SLC44A5: variants seen among roughly 807,000 people sequenced by gnomAD.
SLC44A5 encodes the protein choline transporter-like protein 5.
Under a neutral mutation model 101.8 loss-of-function variants are expected in SLC44A5, and 57 were observed. That is an observed-to-expected ratio of 0.56 (90% CI 0.45 to 0.70). The LOEUF is 0.70. SLC44A5 is among the 30% of genes least tolerant of loss of function. The probability of loss-of-function intolerance (pLI) is 0.00; values close to 1 mark genes in which losing one functional copy is unlikely to be tolerated. For synonymous variants in SLC44A5, 281 were observed against 290.9 expected (o/e 0.97, Z 0.35); for missense variants, 737 against 853.1 (o/e 0.86, Z 1.70).
chr1:75,406,742 A>G (rs1416408596), intron 2 of SLC44A5, among the ~76,000 whole-genome samples: 4 of 152,208 alleles, frequency 2.6e-5, no homozygotes, highest in Non-Finnish European at 4.4e-5. Flanking sequence ...ACAAACCCAC[A>G]GGCAATATCA....
At chr1:75,675,834 C>T in the SLC44A5 span, among the ~76,000 whole-genome samples, 1 of 152,050 alleles carries the variant, frequency 6.6e-6, no homozygotes, top group African/African-American at 2.4e-5. Context: ...CCAGAATCTA[C>T]AAGGAACTTA....
At chr1:75,270,435 T>C (rs1471605606) in intron 6 of SLC44A5, among the ~76,000 whole-genome samples, 3 of 152,122 alleles carry the variant, frequency 2.0e-5, no homozygotes, top group Non-Finnish European at 4.4e-5. Flanking sequence ...GAAATGGGTA[T>C]ATTATTCAAC....
rs185343360 is a variant in SLC44A5, at chr1:75,545,042, G to A, written c.-69-3526C>T. 2.6e-3 allele frequency among the ~76,000 whole-genome samples: 390 copies of A among 152,052 alleles called. 4 individuals carry two copies. The highest frequency in any genetic ancestry group is 8.6e-3 in the African/African-American group (355 of 41,466). On this transcript the variant is annotated intron_variant, in intron 1 of 23. Coordinates refer to ENST00000370859, the MANE Select transcript of SLC44A5 (RefSeq NM_001130058.2). Reference sequence around the variant, plus strand: ...CCTCCAAAAGGCCCTGGTGTGTGACGTTCCCCTCCCTGTGTCCATGTGTCC... The same window carrying A: ...CCTCCAAAAGGCCCTGGTGTGTGACATTCCCCTCCCTGTGTCCATGTGTCC...
At chr1:75,419,511 GA>G (rs536240388) in intron 2 of SLC44A5, among the ~76,000 whole-genome samples, 1 of 146,308 alleles carries the variant, frequency 6.8e-6, no homozygotes, top group Non-Finnish European at 1.5e-5. Flanking sequence ...TCTGTACCAG[GA>G]AAAAAAAACT....
intron 2 of SLC44A5, among the ~76,000 whole-genome samples, chr1:75,401,981 G>T (rs558325183): frequency 1.3e-5 from 2 of 152,054 alleles, no homozygotes; most frequent in Non-Finnish European, 2.9e-5. Flanking sequence ...CAGAGAAAGG[G>T]CTAAAAAATG....
At chr1:75,596,055 T>C (rs1403715430) in intron 1 of SLC44A5, among the ~76,000 whole-genome samples, 1 of 152,180 alleles carries the variant, frequency 6.6e-6, no homozygotes, top group Non-Finnish European at 1.5e-5. Context: ...TATCAAATCT[T>C]CTAATAACCA....
At chr1:75,558,591 T>C (rs1362952958) in intron 1 of SLC44A5, among the ~76,000 whole-genome samples, 3 of 152,086 alleles carry the variant, frequency 2.0e-5, no homozygotes, top group African/African-American at 7.2e-5. Flanking sequence ...GAAGAAAAAG[T>C]TTGAAGATCA....
intron 2 of SLC44A5, among the ~76,000 whole-genome samples, chr1:75,446,596 T>C (rs1665590908): frequency 2.0e-5 from 3 of 152,118 alleles, no homozygotes; most frequent in Non-Finnish European, 2.9e-5. Flanking sequence ...GAAGGTCCTA[T>C]AAAGGCAGAG....
intron 1 of SLC44A5, among the ~76,000 whole-genome samples, chr1:75,543,987 T>C (rs925927249): frequency 1.3e-5 from 2 of 152,162 alleles, no homozygotes; most frequent in Non-Finnish European, 1.5e-5. Context: ...ACTTTTTATA[T>C]TGAAATAATT....
intron 4 of SLC44A5, among the ~76,000 whole-genome samples, chr1:75,335,085 C>A (rs1157626747): frequency 6.6e-6 from 1 of 152,202 alleles, no homozygotes; most frequent in Non-Finnish European, 1.5e-5. Context: ...GCCTAAGAAT[C>A]AGCTCCAAAT....
At chr1:75,721,405 C>G in the SLC44A5 span, among the ~76,000 whole-genome samples, 1 of 152,080 alleles carries the variant, frequency 6.6e-6, no homozygotes. Context: ...AATTTTCTTG[C>G]GTTTTTGTTT....
At chr1:75,215,520 T>C (rs530529971) in intron 19 of SLC44A5, among the ~76,000 whole-genome samples, 2 of 152,196 alleles carry the variant, frequency 1.3e-5, no homozygotes, top group South Asian at 4.1e-4. Flanking sequence ...TTCCAAAGTG[T>C]GTAATATTTT....
chr1:75,635,383 A>G, the SLC44A5 span, among the ~76,000 whole-genome samples: 2 of 152,180 alleles, frequency 1.3e-5, no homozygotes, highest in South Asian at 2.1e-4. Context: ...GGCACTATTC[A>G]CAATAGCAAA....
At chr1:75,298,663 A>G (rs981832352) in intron 5 of SLC44A5, among the ~76,000 whole-genome samples, 3 of 152,094 alleles carry the variant, frequency 2.0e-5, no homozygotes, top group Admixed American at 2.0e-4. Context: ...AAGGCCTCCT[A>G]GTGGAAAGAT....
chr1:75,621,563 T>G, the SLC44A5 span, among the ~76,000 whole-genome samples: 1 of 152,120 alleles, frequency 6.6e-6, no homozygotes, highest in Non-Finnish European at 1.5e-5. Context: ...AAGAGTATTT[T>G]TGACTGAAAT....
At chr1:75,616,019 C>T (rs1675863864), upstream of SLC44A5, 1 of 436,478 alleles carries the variant, frequency 2.3e-6, no homozygotes, top group Non-Finnish European at 3.1e-6. Context: ...CGAGCAGCAG[C>T]GGCGGCCGGG....
the SLC44A5 span, chr1:75,677,676 C>G: frequency 2.4e-6 from 1 of 409,930 alleles, no homozygotes; most frequent in Non-Finnish European, 4.8e-6. Flanking sequence ...AATAAAAAAA[C>G]GTAGAGTAAC....
chr1:75,678,430 G>T, the SLC44A5 span, among the ~76,000 whole-genome samples: 2 of 152,120 alleles, frequency 1.3e-5, no homozygotes, highest in African/African-American at 4.8e-5. Context: ...CGGGCAGATT[G>T]CCTCCTCAAG....
At chr1:75,643,300 T>A in the SLC44A5 span, among the ~76,000 whole-genome samples, 1 of 152,132 alleles carries the variant, frequency 6.6e-6, no homozygotes, top group Non-Finnish European at 1.5e-5. Flanking sequence ...TTCCAAAATC[T>A]CTGGCTGACT....
Sources: gnomAD v4.1 joint callset for allele counts (sites outside exome capture counted in the v4.1 genomes callset) on GRCh38, gnomAD v4.1.1 for gene constraint, MANE v1.5 for transcripts, NCBI Gene and HGNC (gene_info 2026-07-23, HGNC 2026-07-21) for gene names.